MAPK6: variants seen among roughly 807,000 people sequenced by gnomAD.
The protein encoded by MAPK6 is mitogen-activated protein kinase 6.
A neutral mutation model predicts 59.3 loss-of-function variants in MAPK6; 19 were observed. That is an observed-to-expected ratio of 0.32 (90% CI 0.22 to 0.47). MAPK6 has a LOEUF of 0.47. Among genes scored for constraint, MAPK6 ranks in the 20% least tolerant of loss-of-function variants. The probability of loss-of-function intolerance (pLI) is 1.00; values close to 1 mark genes in which losing one functional copy is unlikely to be tolerated. For synonymous variants in MAPK6, 316 were observed against 290.3 expected, an observed-to-expected ratio of 1.09 and a Z score of -0.90; for missense variants, 724 against 847.9, an observed-to-expected ratio of 0.85 and a Z score of 1.81.
At chr15:51,992,289 A>G (rs1325780275) in intron 2 of MAPK6, among the ~76,000 whole-genome samples, 1 of 94,298 alleles carries the variant, frequency 1.1e-5, no homozygotes, top group Non-Finnish European at 2.1e-5. Flanking sequence ...CTATCTATCT[A>G]TCTATATATA....
chr15:52,060,563 G>A (rs551666707), intron 4 of MAPK6, among the ~76,000 whole-genome samples: 2 of 152,288 alleles, frequency 1.3e-5, no homozygotes, highest in African/African-American at 4.8e-5. Context: ...AGATGGTGGT[G>A]GTGATCCAGG....
chr15:52,012,317 G>T (rs1026853052), intron 3 of MAPK6, among the ~76,000 whole-genome samples: 2 of 152,132 alleles, frequency 1.3e-5, no homozygotes, highest in Non-Finnish European at 2.9e-5. Flanking sequence ...TTTTGTAAAT[G>T]TGGTGTCTGT....
chr15:52,058,857 A>G (rs1253788479), intron 4 of MAPK6, 60 bp downstream of exon 4: 1 of 1,424,784 alleles, frequency 7.0e-7, no homozygotes, highest in African/African-American at 1.4e-5. Context: ...GAATCTGTGT[A>G]GGGAAGCTGG....
At chr15:52,000,111 T>A (rs2057237948) in intron 2 of MAPK6, among the ~76,000 whole-genome samples, 1 of 150,684 alleles carries the variant, frequency 6.6e-6, no homozygotes, top group East Asian at 1.9e-4. Flanking sequence ...CTAATTTTGT[T>A]TTTTTTTTTA....
intron 1 of MAPK6, among the ~76,000 whole-genome samples, chr15:51,976,970 C>A (rs1161387562): frequency 6.6e-6 from 1 of 151,398 alleles, no homozygotes; most frequent in Non-Finnish European, 1.5e-5. Flanking sequence ...AAATAAAATT[C>A]TGAAGGAAAA....
In MAPK6 at chr15:52,045,901, A is replaced by G. The variant is rs2031579685; in HGVS notation, c.-560A>G. On this transcript the variant is annotated 5_prime_UTR_variant, in exon 2 of 6. Transcript: ENST00000261845. ...GAGCTGGAGCCACCTGATCACTAAC[A>G]AAAGACATCTTCTGTTAACCAACAG... The G allele has an allele frequency of 6.5e-6, 1 of 153,108 alleles. No homozygotes were observed. The highest frequency in any genetic ancestry group is 1.5e-5 in the Non-Finnish European group (1 of 68,372). The allele number at this position is 153,108 out of a possible 1,614,324, so 9.5% of individuals were successfully genotyped here. A position where few individuals can be genotyped will look rare whatever the true frequency, so the allele number is the denominator to read the frequency against.
chr15:52,018,097 C>T (rs942989985), upstream of MAPK6: 5 of 152,290 alleles, frequency 3.3e-5, no homozygotes, highest in African/African-American at 9.6e-5. Context: ...CTGGCGCGAT[C>T]TCGGCTCACT....
In MAPK6 at chr15:52,053,404, A is replaced by G. The variant is rs183342671; in HGVS notation, c.700+3267A>G. Among the ~76,000 whole-genome samples, 13 of 152,092 alleles carry G rather than the reference A, an allele frequency of 8.5e-5. No homozygotes were observed. In the East Asian group the frequency reaches 1.9e-3, roughly 23 times the overall value. On this transcript the variant is annotated intron_variant, in intron 3 of 5. Transcript: ENST00000261845. ...TTGTGGTTTTGATTTGCATTTCCCTAATAACTAATGGATGATTGAATGTCT... is the reference window on the plus strand; with the variant it reads ...TTGTGGTTTTGATTTGCATTTCCCTGATAACTAATGGATGATTGAATGTCT...
chr15:52,036,987 A>T (rs1308410114), intron 1 of MAPK6, among the ~76,000 whole-genome samples: 2 of 152,162 alleles, frequency 1.3e-5, no homozygotes, highest in South Asian at 4.1e-4. Flanking sequence ...ATAACATGCC[A>T]TTCTGAATTG....
rs565725930 is a variant in MAPK6 at position 52,065,203 on chromosome 15, AAAAT to A, written c.*207_*210del. The A allele has an allele frequency of 3.5e-4, 178 of 507,252 alleles. No individual in the cohort carries two copies. Among genetic ancestry groups the A allele is most frequent in the Non-Finnish European group, 4.8e-4 (141 of 296,616 alleles). 31.4% of individuals were successfully genotyped at this position (507,252 alleles called of 1,614,324 possible). ...TTAACTGGCATGTCATTTGCACACA[AAAAT>A]AAAGACTAGAGCAAAATAATGCAAC... is the stretch of plus-strand genomic sequence containing the variant. On this transcript the variant is annotated 3_prime_UTR_variant, in exon 6 of 6. Coordinates refer to ENST00000261845, the MANE Select transcript of MAPK6 (RefSeq NM_002748.4).
intron 3 of MAPK6, among the ~76,000 whole-genome samples, chr15:52,011,970 A>C (rs2030070210): frequency 6.6e-6 from 1 of 152,058 alleles, no homozygotes; most frequent in African/African-American, 2.4e-5. Flanking sequence ...TTCCTTTTAG[A>C]CCCTCCTTGA....
intron 2 of MAPK6, among the ~76,000 whole-genome samples, chr15:51,998,786 G>A (rs929357658): frequency 4.3e-5 from 6 of 141,062 alleles, no homozygotes; most frequent in Admixed American, 3.0e-4. Flanking sequence ...CGCCTCCTGG[G>A]TTCACGCCAT....
intron 2 of MAPK6, among the ~76,000 whole-genome samples, chr15:52,002,873 G>A (rs2057246407): frequency 6.6e-6 from 1 of 152,098 alleles, no homozygotes; most frequent in Non-Finnish European, 1.5e-5. Context: ...GTATGTGAAG[G>A]AGGAACTGTC....
At chr15:52,059,338 G>C (rs1408577107) in intron 4 of MAPK6, among the ~76,000 whole-genome samples, 1 of 151,954 alleles carries the variant, frequency 6.6e-6, no homozygotes, top group Non-Finnish European at 1.5e-5. Context: ...GTCTTCCCTG[G>C]GCTGGTCTTG....
chr15:51,990,807 AG>A (rs2057205646), intron 2 of MAPK6, among the ~76,000 whole-genome samples: 1 of 152,210 alleles, frequency 6.6e-6, no homozygotes, highest in Admixed American at 6.5e-5. Context: ...AAACAAAATT[AG>A]CCAGGCATGG....
intron 1 of MAPK6, among the ~76,000 whole-genome samples, chr15:51,978,110 G>A (rs1366135436): frequency 6.6e-6 from 1 of 151,080 alleles, no homozygotes; most frequent in African/African-American, 2.4e-5. Flanking sequence ...ATGGAAAGAA[G>A]CAAAAGGAAT....
At chr15:51,983,663 T>C (rs2057181742) in intron 2 of MAPK6, among the ~76,000 whole-genome samples, 1 of 151,766 alleles carries the variant, frequency 6.6e-6, no homozygotes, top group Non-Finnish European at 1.5e-5. Flanking sequence ...ATTTAAAAAT[T>C]AGCTGGCATG....
intron 1 of MAPK6, among the ~76,000 whole-genome samples, chr15:52,040,998 C>T (rs1001530428): frequency 6.6e-6 from 1 of 152,148 alleles, no homozygotes; most frequent in African/African-American, 2.4e-5. Context: ...GATCACTCCC[C>T]AAACAACCCA....
At chr15:51,990,920 C>T (rs1179751268) in intron 2 of MAPK6, among the ~76,000 whole-genome samples, 1 of 152,124 alleles carries the variant, frequency 6.6e-6, no homozygotes, top group Non-Finnish European at 1.5e-5. Context: ...GGCCACTCCA[C>T]TGCAGCCTGG....
Sources: allele counts gnomAD v4.1 joint callset (sites outside exome capture counted in the v4.1 genomes callset), GRCh38; gene constraint gnomAD v4.1.1; transcripts MANE v1.5; gene names NCBI Gene and HGNC (gene_info 2026-07-23, HGNC 2026-07-21).